The following ITPR2 variants were observed in gnomAD, a reference collection of about 807,000 sequenced individuals.
ITPR2 encodes inositol 1,4,5-trisphosphate receptor type 2, also known as inositol 1,4,5-trisphosphate-gated calcium channel ITPR2.
ITPR2 carries 207 observed loss-of-function variants against 317.1 expected under a neutral mutation model. That is an observed-to-expected ratio of 0.65 (90% CI 0.58 to 0.73). The LOEUF is 0.73. Ranked by LOEUF, ITPR2 falls within the 30% of genes least tolerant of loss-of-function variation. The probability of loss-of-function intolerance (pLI) is 0.00; values close to 1 mark genes in which losing one functional copy is unlikely to be tolerated. For missense variants in ITPR2, 2,613 were observed against 3,284.0 expected (o/e 0.80, Z 4.99); for synonymous variants, 1,156 against 1,149.1 (o/e 1.01, Z -0.12).
chr12:26,800,769 T>C lies in ITPR2; in HGVS notation c.93-10542A>G, dbSNP rs571707443. The C allele has an allele frequency of 2.6e-5, 4 of 152,268 alleles. No homozygotes were observed. The East Asian group carries it at 5.8e-4, about 22-fold the overall frequency. The allele number at this position is 152,268 out of a possible 1,614,324, so 9.4% of individuals were successfully genotyped here. A position where few individuals can be genotyped will look rare whatever the true frequency, so the allele number is the denominator to read the frequency against. Reference sequence around the variant, plus strand: ...CAGAGGACAACAAGGATAGAGAAGATACAAAAGAAGGTTAAGGTATATAAA... The same window carrying C: ...CAGAGGACAACAAGGATAGAGAAGACACAAAAGAAGGTTAAGGTATATAAA... On this transcript the variant is annotated intron_variant, in intron 1 of 56. Transcript: ENST00000381340.
intron 26 of ITPR2, among the ~76,000 whole-genome samples, chr12:26,620,087 A>G (rs767352529): frequency 3.3e-5 from 5 of 152,220 alleles, no homozygotes; most frequent in Non-Finnish European, 7.3e-5. Flanking sequence ...GTCCCTCTGT[A>G]TCACAGAGCT....
chr12:26,782,037 T>TATATAG (rs1950102369), intron 2 of ITPR2, among the ~76,000 whole-genome samples: 1 of 51,734 alleles, frequency 1.9e-5, no homozygotes, highest in African/African-American at 5.7e-5. Flanking sequence ...TATATATGTA[T>TATATAG]AGAGAGAGAG....
chr12:26,814,491 A>G (rs1293361724), intron 1 of ITPR2, among the ~76,000 whole-genome samples: 1 of 152,226 alleles, frequency 6.6e-6, no homozygotes, highest in African/African-American at 2.4e-5. Context: ...TCTTTATCAC[A>G]TCCAGGAGTG....
Position 26,580,158 on chromosome 12 carries a change from G to A in ITPR2, c.4381-3C>T. Reference sequence around the variant, plus strand: ...CTGTCTGTAGTTGTGTTGCAAACCTGGAGAGAAAATAAAACAACTCAATAT... The same window carrying A: ...CTGTCTGTAGTTGTGTTGCAAACCTAGAGAGAAAATAAAACAACTCAATAT... On this transcript the variant is annotated splice_region_variant and splice_polypyrimidine_tract_variant and intron_variant, in intron 32 of 56. Transcript: ENST00000381340. 6.2e-7 allele frequency: 1 copy of A among 1,608,142 alleles called. No individual in the cohort carries two copies. The highest frequency in any genetic ancestry group is 8.5e-7 in the Non-Finnish European group (1 of 1,177,272).
chr12:26,410,150 C>T (rs950139780), intron 52 of ITPR2, among the ~76,000 whole-genome samples: 12 of 152,118 alleles, frequency 7.9e-5, no homozygotes, highest in Non-Finnish European at 2.9e-5. Flanking sequence ...CTGAAGAAAT[C>T]GGAGGTGTTT....
intron 11 of ITPR2, among the ~76,000 whole-genome samples, chr12:26,685,122 C>T (rs756202955): frequency 3.3e-5 from 5 of 152,140 alleles, no homozygotes; most frequent in Non-Finnish European, 7.3e-5. Context: ...TGCATAGGTG[C>T]CTTCAGCTTC....
At chr12:26,595,166 T>A (rs1945810959) in intron 32 of ITPR2, among the ~76,000 whole-genome samples, 1 of 152,180 alleles carries the variant, frequency 6.6e-6, no homozygotes, top group Non-Finnish European at 1.5e-5. Context: ...CTGCCAAATA[T>A]CTTCTCTAAC....
chr12:26,813,445 A>G (rs1022654095), intron 1 of ITPR2, among the ~76,000 whole-genome samples: 2 of 152,230 alleles, frequency 1.3e-5, no homozygotes, highest in African/African-American at 4.8e-5. Flanking sequence ...ATTCATAAAC[A>G]TATGCTTTCA....
intron 45 of ITPR2, among the ~76,000 whole-genome samples, chr12:26,470,252 TTTC>T (rs1156596334): frequency 1.3e-5 from 2 of 152,242 alleles, no homozygotes; most frequent in South Asian, 4.1e-4. Flanking sequence ...CATCAGAACT[TTTC>T]TTCTTATTAT....
intron 37 of ITPR2, among the ~76,000 whole-genome samples, chr12:26,511,550 C>T (rs1272266864): frequency 1.3e-5 from 2 of 152,092 alleles, no homozygotes; most frequent in African/African-American, 4.8e-5. Flanking sequence ...ACTGTCTCAC[C>T]CATTTTTTTT....
Position 26,436,245 on chromosome 12 carries a change from G to A in ITPR2, c.6745C>T (p.Pro2249Ser), listed in dbSNP as rs868396361. The A allele has an allele frequency of 6.2e-7, 1 of 1,611,080 alleles. No individual in the cohort carries two copies. Residue 2249 changes from proline to serine, a missense_variant, in exon 48 of 57, where the codon CCA (proline) becomes TCA (serine). Around this residue, in one of 9 missense-constraint regions of ITPR2, gnomAD observed 926 missense variants for 1,072.8 expected, o/e 0.86. Coordinates refer to ENST00000381340, the MANE Select transcript of ITPR2 (RefSeq NM_002223.4). The stretch of plus-strand genomic sequence containing the variant: ...CCTTCATCTCCATCATCCCCAAATG[G>A]GTAGAAGAGAGCAACAGCTAAATTG... ...FINLAVALFYPFGDDGDEGTL... is the reference protein window; with the variant it reads ...FINLAVALFYSFGDDGDEGTL...
chr12:26,376,353 C>T (rs537711013), intron 55 of ITPR2, among the ~76,000 whole-genome samples: 4 of 152,244 alleles, frequency 2.6e-5, no homozygotes, highest in African/African-American at 9.6e-5. Context: ...GAACCCTTTC[C>T]CTCTCCCCAG....
rs1198689864 is a variant in ITPR2, at chr12:26,667,418, G to A, written c.1410-1367C>T. ...CTGGGATTCTATGTTTTCTTGGTAT[G>A]CCTATTTTAAATTGTAACCCAGTCT... On this transcript the variant is annotated intron_variant, in intron 13 of 56. Transcript: ENST00000381340. Among the ~76,000 whole-genome samples the A allele has an allele frequency of 2.6e-5, 4 of 152,282 alleles. No individual in the cohort carries two copies. The East Asian group carries it at 5.8e-4, about 22-fold the overall frequency.
chr12:26,580,137 CTG>C lies in ITPR2; in HGVS notation c.4397_4398del (p.Thr1466ArgfsTer15). 6.2e-7 allele frequency: 1 copy of C among 1,611,850 alleles called. No homozygotes were observed. Among genetic ancestry groups the C allele is most frequent in the Non-Finnish European group, 8.5e-7 (1 of 1,178,604 alleles). On this transcript the variant is annotated frameshift_variant, in exon 33 of 57. Coordinates refer to ENST00000381340, the MANE Select transcript of ITPR2 (RefSeq NM_002223.4). LOFTEE classifies it high-confidence loss of function. Reference protein sequence around the residue: ...VDMARVCNTTTDRKHADIFLE... With the variant: ...VDMARVCNTTXDRKHADIFLE... ...AAAAAGATGTCTGCATGTTTCCTGT[CTG>C]TAGTTGTGTTGCAAACCTGGAGAGA...
intron 45 of ITPR2, among the ~76,000 whole-genome samples, chr12:26,451,365 T>TCTCACACACACACACA (rs368381589): frequency 7.3e-6 from 1 of 136,324 alleles, no homozygotes; most frequent in Admixed American, 7.2e-5. Flanking sequence ...TTCTCTCATA[T>TCTCACACACACACACA]CACACACACA....
chr12:26,771,430 AC>A (rs1167595907), intron 2 of ITPR2, among the ~76,000 whole-genome samples: 1 of 152,190 alleles, frequency 6.6e-6, no homozygotes, highest in Non-Finnish European at 1.5e-5. Context: ...TCACCTAGGG[AC>A]TATTAGGTGA....
intron 55 of ITPR2, among the ~76,000 whole-genome samples, chr12:26,367,540 T>C (rs1939050142): frequency 6.6e-6 from 1 of 152,044 alleles, no homozygotes; most frequent in Non-Finnish European, 1.5e-5. Flanking sequence ...ACAAAGCAGG[T>C]TAGCAATCAA....
At chr12:26,437,102 C>T (rs1941371058) in intron 47 of ITPR2, among the ~76,000 whole-genome samples, 1 of 152,172 alleles carries the variant, frequency 6.6e-6, no homozygotes, top group African/African-American at 2.4e-5. Flanking sequence ...CAGTTCTTTC[C>T]ACCTCTGTTA....
At chr12:26,653,321 T>A (rs2136895839) in intron 21 of ITPR2, among the ~76,000 whole-genome samples, 1 of 146,788 alleles carries the variant, frequency 6.8e-6, no homozygotes, top group South Asian at 2.3e-4. Context: ...GTCAGCTCAC[T>A]GCAACATCCG....
Sources: gnomAD v4.1 joint callset for allele counts (sites outside exome capture counted in the v4.1 genomes callset) on GRCh38, gnomAD v4.1.1 for gene constraint, gnomAD v4.1.1 regional missense constraint, MANE v1.5 for transcripts, NCBI Gene and HGNC (gene_info 2026-07-23, HGNC 2026-07-21) for gene names.